The following TBC1D5 variants were observed in gnomAD, a reference collection of about 807,000 sequenced individuals.
TBC1D5 encodes TBC1 domain family, member 5.
A neutral mutation model predicts 100.3 loss-of-function variants in TBC1D5; 75 were observed. The observed-to-expected ratio is 0.75, with a 90% CI of 0.62 to 0.91. TBC1D5 has a LOEUF of 0.91. Ranked by LOEUF, TBC1D5 falls within the 40% of genes least tolerant of loss-of-function variation. TBC1D5 has a pLI of 0.00. For missense variants in TBC1D5, 910 were observed against 942.4 expected, an observed-to-expected ratio of 0.97 and a Z score of 0.45; for synonymous variants, 323 against 325.6, an observed-to-expected ratio of 0.99 and a Z score of 0.09.
At chr3:17,263,358 C>A (rs770908104) in intron 15 of TBC1D5, among the ~76,000 whole-genome samples, 4 of 111,102 alleles carry the variant, frequency 3.6e-5, no homozygotes, top group South Asian at 2.9e-4. Context: ...AGAATGAGAC[C>A]CTGTCTCCAA....
intron 3 of TBC1D5, chr3:17,465,103 TG>T (rs2095280437): frequency 6.6e-6 from 1 of 152,216 alleles, no homozygotes; most frequent in Non-Finnish European, 1.5e-5. Context: ...AAATAAAACC[TG>T]ATTGTTCACT....
intron 17 of TBC1D5, among the ~76,000 whole-genome samples, chr3:17,227,489 C>T (rs1312554657): frequency 6.6e-6 from 1 of 151,914 alleles, no homozygotes; most frequent in African/African-American, 2.4e-5. Context: ...GTTGAAGGTG[C>T]CCCATTATAC....
intron 1 of TBC1D5, among the ~76,000 whole-genome samples, chr3:17,654,652 T>A (rs2065889722): frequency 6.6e-6 from 1 of 152,198 alleles, no homozygotes; most frequent in Non-Finnish European, 1.5e-5. Flanking sequence ...CTGGCTTTGG[T>A]ATCAGGATGA....
intron 1 of TBC1D5, among the ~76,000 whole-genome samples, chr3:17,666,027 T>C (rs936840532): frequency 1.3e-5 from 2 of 152,208 alleles, no homozygotes; most frequent in African/African-American, 2.4e-5. Flanking sequence ...CAAAGCTAAA[T>C]AGAACACATT....
intron 18 of TBC1D5, among the ~76,000 whole-genome samples, chr3:17,193,253 C>T (rs972027051): frequency 2.0e-5 from 3 of 152,180 alleles, no homozygotes; most frequent in African/African-American, 7.2e-5. Flanking sequence ...AGGAGCCCAA[C>T]AGGGGCTGCA....
chr3:17,245,704 C>T (rs1248000999), intron 16 of TBC1D5, among the ~76,000 whole-genome samples: 1 of 152,110 alleles, frequency 6.6e-6, no homozygotes, highest in Non-Finnish European at 1.5e-5. Context: ...AATCATGATG[C>T]ATCAAATCAT....
chr3:17,670,038 G>A (rs1022825363), intron 1 of TBC1D5, among the ~76,000 whole-genome samples: 26 of 152,126 alleles, frequency 1.7e-4, no homozygotes, highest in Admixed American at 4.6e-4. Context: ...GGCGCACGCC[G>A]CCATGCCCAG....
At chr3:17,165,929 T>G (rs1461920731) in intron 21 of TBC1D5, among the ~76,000 whole-genome samples, 1 of 152,210 alleles carries the variant, frequency 6.6e-6, no homozygotes, top group Non-Finnish European at 1.5e-5. Flanking sequence ...CTTCGGAGCC[T>G]GTATGTGTCC....
chr3:17,618,865 G>A (rs929976724), intron 2 of TBC1D5, among the ~76,000 whole-genome samples: 1 of 152,184 alleles, frequency 6.6e-6, no homozygotes, highest in Non-Finnish European at 1.5e-5. Flanking sequence ...TCCAGTTGAG[G>A]TGATGCCCCG....
chr3:17,182,275 A>G (rs967190980), intron 19 of TBC1D5, among the ~76,000 whole-genome samples: 1 of 152,076 alleles, frequency 6.6e-6, no homozygotes, highest in African/African-American at 2.4e-5. Context: ...TATATGAGGG[A>G]AAAAAAAGTC....
chr3:17,693,798 G>A (rs1053734579), intron 1 of TBC1D5, among the ~76,000 whole-genome samples: 8 of 152,218 alleles, frequency 5.3e-5, no homozygotes, highest in South Asian at 4.1e-4. Flanking sequence ...CCCTGAACCC[G>A]TGTAGCCAAA....
At chr3:17,185,148 T>C (rs1348650360) in exon 19 of TBC1D5, 1 of 1,613,738 alleles carries the variant, frequency 6.2e-7, no homozygotes, top group Non-Finnish European at 8.5e-7. Context: ...TATTTGCACA[T>C]GGCATCCAGG....
chr3:17,651,933 T>C (rs1182221463), intron 1 of TBC1D5, among the ~76,000 whole-genome samples: 1 of 151,998 alleles, frequency 6.6e-6, no homozygotes, highest in Non-Finnish European at 1.5e-5. Flanking sequence ...AACGAAATAA[T>C]GCAGAGGACA....
intron 3 of TBC1D5, among the ~76,000 whole-genome samples, chr3:17,481,193 A>C (rs1435776877): frequency 6.6e-6 from 1 of 152,236 alleles, no homozygotes; most frequent in Non-Finnish European, 1.5e-5. Flanking sequence ...AGCTTTGCAC[A>C]GAGCCAGCAT....
intron 1 of TBC1D5, among the ~76,000 whole-genome samples, chr3:17,682,106 T>C (rs2069571447): frequency 6.6e-6 from 1 of 151,194 alleles, no homozygotes; most frequent in African/African-American, 2.5e-5. Context: ...CCAAAAAGGT[T>C]GGGAACTGCT....
chr3:17,538,224 T>C (rs1210591459), intron 2 of TBC1D5, among the ~76,000 whole-genome samples: 1 of 152,104 alleles, frequency 6.6e-6, no homozygotes, highest in Non-Finnish European at 1.5e-5. Flanking sequence ...TCTAAAATGA[T>C]AAGTGGTCAC....
chr3:17,162,768 T>G (rs568495504), intron 21 of TBC1D5, among the ~76,000 whole-genome samples: 1 of 152,194 alleles, frequency 6.6e-6, no homozygotes, highest in Non-Finnish European at 1.5e-5. Flanking sequence ...TGTCCCTATA[T>G]AAGGTGCACC....
chr3:17,710,629 C>A (rs760695437), intron 1 of TBC1D5, among the ~76,000 whole-genome samples: 1 of 151,496 alleles, frequency 6.6e-6, no homozygotes, highest in Admixed American at 6.6e-5. Flanking sequence ...ACTTGTTGAA[C>A]GACTTGATAC....
intron 2 of TBC1D5, among the ~76,000 whole-genome samples, chr3:17,559,250 C>T (rs549336797): frequency 6.6e-6 from 1 of 152,076 alleles, no homozygotes; most frequent in South Asian, 2.1e-4. Context: ...AAGCGATTCT[C>T]CTGCCTCAGC....
Sources: gnomAD v4.1 joint callset for allele counts (sites outside exome capture counted in the v4.1 genomes callset) on GRCh38, gnomAD v4.1.1 for gene constraint, MANE v1.5 for transcripts, NCBI Gene and HGNC (gene_info 2026-07-23, HGNC 2026-07-21) for gene names.